The following C1GALT1 variants were observed in gnomAD, a reference collection of about 807,000 sequenced individuals.
C1GALT1 encodes the protein glycoprotein-N-acetylgalactosamine 3-beta-galactosyltransferase 1.
In C1GALT1, 11 loss-of-function variants were observed where a neutral mutation model predicts 31.0. That is an observed-to-expected ratio of 0.36 (90% CI 0.22 to 0.59). The LOEUF is 0.59. Ranked by LOEUF, C1GALT1 falls within the 20% of genes least tolerant of loss-of-function variation. C1GALT1 has a pLI of 0.79. For missense variants in C1GALT1, 424 were observed against 425.2 expected (o/e 1.00, Z 0.03); for synonymous variants, 175 against 143.6 (o/e 1.22, Z -1.56).
intron 2 of C1GALT1, among the ~76,000 whole-genome samples, chr7:7,166,534 G>C (rs1780394664): frequency 6.6e-6 from 1 of 152,060 alleles, no homozygotes; most frequent in African/African-American, 2.4e-5. Flanking sequence ...AACTTTTGGA[G>C]GTGATAGATA....
intron 1 of C1GALT1, among the ~76,000 whole-genome samples, chr7:7,226,909 A>C (rs1316060993): frequency 6.6e-6 from 1 of 152,144 alleles, no homozygotes; most frequent in Non-Finnish European, 1.5e-5. Context: ...TGGTTGTGGC[A>C]GAGGGAGTGT....
chr7:7,178,220 G>T, upstream of C1GALT1: 1 of 229,040 alleles, frequency 4.4e-6, no homozygotes. Context: ...CCGCCCCCTT[G>T]GTAGACCTGA....
At chr7:7,207,879 T>G (rs1781822328) in intron 1 of C1GALT1, among the ~76,000 whole-genome samples, 1 of 152,180 alleles carries the variant, frequency 6.6e-6, no homozygotes, top group African/African-American at 2.4e-5. Context: ...TTTCTGTGCC[T>G]GTGCCTTAAG....
At chr7:7,235,111 TTC>T (rs1403408616) in intron 2 of C1GALT1, 2 of 152,344 alleles carry the variant, frequency 1.3e-5, no homozygotes, top group Non-Finnish European at 2.9e-5. Flanking sequence ...CTCTCCAAGT[TTC>T]TGTCCTTTAG....
intron 2 of C1GALT1, among the ~76,000 whole-genome samples, chr7:7,160,056 C>G (rs907648061): frequency 9.2e-5 from 14 of 152,216 alleles, no homozygotes; most frequent in South Asian, 8.3e-4. Flanking sequence ...AACGGCTGTT[C>G]ATACATAAGT....
intron 2 of C1GALT1, among the ~76,000 whole-genome samples, chr7:7,170,217 A>G (rs375259958): frequency 6.6e-6 from 1 of 152,104 alleles, no homozygotes; most frequent in Admixed American, 6.5e-5. Flanking sequence ...CAATTTGATT[A>G]CTTTTTTTAC....
Position 7,236,082 on chromosome 7 carries a change from A to G in C1GALT1, c.220+1543A>G, listed in dbSNP as rs146329470. Reference sequence around the variant, plus strand: ...CCCTATCTACTGCTCTGTAGGATTTATTAGCCACTATTTTCCTTCAGCACA... The same window carrying G: ...CCCTATCTACTGCTCTGTAGGATTTGTTAGCCACTATTTTCCTTCAGCACA... On this transcript the variant is annotated intron_variant, in intron 2 of 3. Coordinates refer to ENST00000436587, the MANE Select transcript of C1GALT1 (RefSeq NM_020156.5). Among the ~76,000 whole-genome samples, 342 of 152,232 alleles carry G rather than the reference A, an allele frequency of 2.2e-3. 1 individual carries two copies. The highest frequency in any genetic ancestry group is 6.5e-4 in the Non-Finnish European group (44 of 68,000).
chr7:7,180,417 A>C (rs1010447511), upstream of C1GALT1, among the ~76,000 whole-genome samples: 1 of 152,240 alleles, frequency 6.6e-6, no homozygotes, highest in African/African-American at 2.4e-5. Context: ...AAACTTGGAA[A>C]CATAAATGTC....
At chr7:7,163,263 T>C (rs1780356992) in intron 2 of C1GALT1, among the ~76,000 whole-genome samples, 1 of 152,204 alleles carries the variant, frequency 6.6e-6, no homozygotes, top group Non-Finnish European at 1.5e-5. Flanking sequence ...AACGTTTAAG[T>C]CTTTAATCCA....
At chr7:7,217,982 C>T (rs1424307078) in intron 1 of C1GALT1, among the ~76,000 whole-genome samples, 2 of 152,180 alleles carry the variant, frequency 1.3e-5, no homozygotes, top group Non-Finnish European at 2.9e-5. Flanking sequence ...GAGAAAGACA[C>T]ATGAGCCCAT....
chr7:7,198,285 G>A (rs1205713863), intron 1 of C1GALT1, among the ~76,000 whole-genome samples: 1 of 152,204 alleles, frequency 6.6e-6, no homozygotes, highest in Admixed American at 6.5e-5. Flanking sequence ...CATCTATTGA[G>A]ATAATCATGT....
At chr7:7,167,926 C>A (rs1451494378) in intron 2 of C1GALT1, among the ~76,000 whole-genome samples, 2 of 152,158 alleles carry the variant, frequency 1.3e-5, no homozygotes, top group Non-Finnish European at 2.9e-5. Context: ...AAGAATCTTA[C>A]CTTCTACTCC....
intron 1 of C1GALT1, among the ~76,000 whole-genome samples, chr7:7,229,141 T>C (rs555996662): frequency 2.0e-5 from 3 of 152,232 alleles, no homozygotes; most frequent in African/African-American, 7.2e-5. Flanking sequence ...TGAATGGCAT[T>C]GTGACTACTG....
At position 7,172,138 on chromosome 7, in the gene C1GALT1, G is replaced by C. The variant is rs142750716; in HGVS notation, c.-18+14712G>C. On this transcript the variant is annotated intron_variant, in intron 2 of 3. Transcript: ENST00000429911. ...CTTCCTTTGCATTTCTTGTTGGAAG[G>C]AAACGTTGAACTCAACTTTTGTTTA... Among the ~76,000 whole-genome samples, 498 of 152,216 alleles carry C rather than the reference G, an allele frequency of 3.3e-3. 6 individuals are homozygous for C. Among genetic ancestry groups the C allele is most frequent in the African/African-American group, 0.011 (471 of 41,534 alleles).
chr7:7,213,428 T>G, intron 1 of C1GALT1, among the ~76,000 whole-genome samples: 1 of 152,304 alleles, frequency 6.6e-6, no homozygotes, highest in East Asian at 1.9e-4. Context: ...ATATTAGTAT[T>G]ATTTACCGAA....
chr7:7,200,188 C>A (rs183876518), intron 1 of C1GALT1, among the ~76,000 whole-genome samples: 232 of 152,264 alleles, frequency 1.5e-3, no homozygotes, highest in African/African-American at 5.3e-3. Flanking sequence ...CGGGTTGTTC[C>A]TTTCCATGTT....
chr7:7,195,864 A>G (rs1781262528), intron 1 of C1GALT1, among the ~76,000 whole-genome samples: 2 of 152,114 alleles, frequency 1.3e-5, no homozygotes, highest in Non-Finnish European at 1.5e-5. Flanking sequence ...TGTTAGGTGC[A>G]TATATATTTA....
At chr7:7,211,065 G>A (rs1335437724) in intron 1 of C1GALT1, among the ~76,000 whole-genome samples, 1 of 152,152 alleles carries the variant, frequency 6.6e-6, no homozygotes, top group Non-Finnish European at 1.5e-5. Flanking sequence ...ATGGGGAACA[G>A]CAACTAGGGC....
chr7:7,166,141 T>A (rs1007626128), intron 2 of C1GALT1, among the ~76,000 whole-genome samples: 1 of 152,090 alleles, frequency 6.6e-6, no homozygotes, highest in Non-Finnish European at 1.5e-5. Context: ...CATTTTATCA[T>A]GAGAAAAACC....
Sources: allele counts gnomAD v4.1 joint callset (sites outside exome capture counted in the v4.1 genomes callset), GRCh38; gene constraint gnomAD v4.1.1; transcripts MANE v1.5; gene names NCBI Gene and HGNC (gene_info 2026-07-23, HGNC 2026-07-21).